ZSWIM5: variants seen among roughly 807,000 people sequenced by gnomAD.
ZSWIM5 encodes zinc finger SWIM domain-containing protein 5.
A neutral mutation model predicts 119.6 loss-of-function variants in ZSWIM5; 55 were observed. The observed-to-expected ratio is 0.46, with a 90% CI of 0.37 to 0.58. The LOEUF (loss-of-function observed/expected upper bound fraction) is 0.58. Among genes scored for constraint, ZSWIM5 ranks in the 20% least tolerant of loss-of-function variants. The probability of loss-of-function intolerance (pLI) is 0.00; values close to 1 mark genes in which losing one functional copy is unlikely to be tolerated. For synonymous variants in ZSWIM5, 537 were observed against 606.9 expected, an observed-to-expected ratio of 0.88 and a Z score of 1.69; for missense variants, 1,193 against 1,512.8, an observed-to-expected ratio of 0.79 and a Z score of 3.51.
At chr1:45,049,346 T>C (rs1251677498) in intron 5 of ZSWIM5, among the ~76,000 whole-genome samples, 1 of 152,100 alleles carries the variant, frequency 6.6e-6, no homozygotes, top group Non-Finnish European at 1.5e-5. Context: ...GAAATGACTA[T>C]GAAGAATAGG....
chr1:45,034,881 A>G (rs78184567), intron 10 of ZSWIM5, among the ~76,000 whole-genome samples: 10,442 of 152,196 alleles, frequency 0.069, 409 homozygotes, highest in East Asian at 0.12. Flanking sequence ...TCCCAGGCTC[A>G]AGCGATCCTC....
intron 1 of ZSWIM5, among the ~76,000 whole-genome samples, chr1:45,090,604 T>TACCTTAC (rs1570085108): frequency 6.6e-6 from 1 of 151,410 alleles, no homozygotes; most frequent in East Asian, 1.9e-4. Flanking sequence ...TCAAAAAAAT[T>TACCTTAC]TGTGACCTGA....
At chr1:45,071,511 A>G (rs1245469344) in intron 2 of ZSWIM5, among the ~76,000 whole-genome samples, 1 of 133,258 alleles carries the variant, frequency 7.5e-6, no homozygotes, top group African/African-American at 2.9e-5. Context: ...GCTGGAGTGC[A>G]GTGGCATGAT....
At chr1:45,195,913 G>A (rs1389666567) in intron 1 of ZSWIM5, among the ~76,000 whole-genome samples, 1 of 147,886 alleles carries the variant, frequency 6.8e-6, no homozygotes, top group East Asian at 2.0e-4. Context: ...TGTCACCTAC[G>A]CTGGAGAGCA....
chr1:45,200,580 A>C lies in ZSWIM5; in HGVS notation c.595+5176T>G, dbSNP rs748369969. ...TTATAAATGGTGTGCATGAAAAAAA[A>C]CCCACAGTAATCTATTCATTCATAT... On this transcript the variant is annotated intron_variant, in intron 1 of 13. Transcript: ENST00000359600. 9.3e-4 allele frequency among the ~76,000 whole-genome samples: 141 copies of C among 152,188 alleles called. 1 individual carries two copies. Among genetic ancestry groups the C allele is most frequent in the Non-Finnish European group, 1.6e-3 (112 of 68,032 alleles).
chr1:45,160,507 C>T (rs1264852330), intron 1 of ZSWIM5, among the ~76,000 whole-genome samples: 1 of 152,050 alleles, frequency 6.6e-6, no homozygotes, highest in African/African-American at 2.4e-5. Flanking sequence ...TAGCTTCTAC[C>T]TTTGAGTGAG....
chr1:45,043,246 TA>T lies in ZSWIM5; in HGVS notation c.1581del (p.Phe527LeufsTer43). ...ACQRESERLL[F>X]NSQGQPLWLE... is the part of the protein sequence containing the mutation. Reference sequence around the variant, plus strand: ...AGCCACAGTGGCTGGCCTTGGGAATTAAAGAGTAGTCTTTCACTTTCCCGCT... The same window carrying T: ...AGCCACAGTGGCTGGCCTTGGGAATTAAGAGTAGTCTTTCACTTTCCCGCT... On this transcript the variant is annotated frameshift_variant, in exon 6 of 14. Transcript: ENST00000359600. LOFTEE classifies it high-confidence loss of function. 2 of 1,613,946 alleles carry T rather than the reference TA, an allele frequency of 1.2e-6. No individual in the cohort carries two copies. Among genetic ancestry groups the T allele is most frequent in the Non-Finnish European group, 1.7e-6 (2 of 1,179,950 alleles).
rs1471537067 is a variant in ZSWIM5, at chr1:45,044,807, A to T, written c.1433-1412T>A. On this transcript the variant is annotated intron_variant, in intron 5 of 13. Coordinates refer to ENST00000359600, the MANE Select transcript of ZSWIM5 (RefSeq NM_020883.2). ...TATATATAAATATATATATATAAAT[A>T]TATATATATATATAAATATATATAT... Among the ~76,000 whole-genome samples, 17 of 11,254 alleles carry T rather than the reference A, an allele frequency of 1.5e-3. 5 individuals carry two copies. The highest frequency in any genetic ancestry group is 8.7e-3 in the African/African-American group (17 of 1,948). The allele number at this position is 11,254 out of a possible 152,430, so 7.4% of individuals were successfully genotyped here. A position where few individuals can be genotyped will look rare whatever the true frequency, so the allele number is the denominator to read the frequency against.
rs55717021 is a variant in ZSWIM5, at chr1:45,038,604, C to CTTTTT, written c.1894+327_1894+331dup. On this transcript the variant is annotated intron_variant, in intron 8 of 13. Transcript: ENST00000359600. ...GGAGAAAAGGGCTGACGAGGGCAGT[C>CTTTTT]TTTTTTTTTTTTTTTTTAATGAAAC... Among the ~76,000 whole-genome samples, 4 of 48,502 alleles carry CTTTTT rather than the reference C, an allele frequency of 8.2e-5. 1 individual carries two copies. Among genetic ancestry groups the CTTTTT allele is most frequent in the Non-Finnish European group, 1.1e-4 (3 of 28,508 alleles). The allele number at this position is 48,502 out of a possible 152,430, so 31.8% of individuals were successfully genotyped here.
At chr1:45,079,827 CT>C (rs1399133633) in intron 2 of ZSWIM5, among the ~76,000 whole-genome samples, 1 of 152,164 alleles carries the variant, frequency 6.6e-6, no homozygotes, top group East Asian at 1.9e-4. Flanking sequence ...TGCTCTTCAG[CT>C]AGCAGGCAAT....
intron 2 of ZSWIM5, among the ~76,000 whole-genome samples, chr1:45,084,979 C>T (rs951592709): frequency 1.3e-5 from 2 of 152,248 alleles, no homozygotes; most frequent in Admixed American, 1.3e-4. Context: ...CCACATTTCC[C>T]CTCCACACTG....
intron 1 of ZSWIM5, among the ~76,000 whole-genome samples, chr1:45,170,008 G>C (rs1208380338): frequency 6.6e-6 from 1 of 151,930 alleles, no homozygotes; most frequent in African/African-American, 2.4e-5. Context: ...TGTGTAAATT[G>C]CTATTTTATT....
intron 1 of ZSWIM5, among the ~76,000 whole-genome samples, chr1:45,104,425 A>C (rs928994743): frequency 3.9e-5 from 6 of 152,206 alleles, no homozygotes; most frequent in African/African-American, 1.4e-4. Context: ...TTTCTTAATT[A>C]TGCAAATAGA....
chr1:45,191,098 C>T (rs945447996), intron 1 of ZSWIM5, among the ~76,000 whole-genome samples: 1 of 151,786 alleles, frequency 6.6e-6, no homozygotes, highest in African/African-American at 2.4e-5. Context: ...AGACGCCCGC[C>T]ACCGCGCCCG....
chr1:45,123,538 C>T (rs1053667944), intron 1 of ZSWIM5, among the ~76,000 whole-genome samples: 1 of 152,074 alleles, frequency 6.6e-6, no homozygotes, highest in Non-Finnish European at 1.5e-5. Flanking sequence ...GACAGAATAA[C>T]AGAAATTACC....
intron 1 of ZSWIM5, among the ~76,000 whole-genome samples, chr1:45,159,829 T>C (rs1645852802): frequency 6.6e-6 from 1 of 152,212 alleles, no homozygotes; most frequent in African/African-American, 2.4e-5. Context: ...CCTCAAGTGA[T>C]CTGCTCACCT....
At chr1:45,091,573 G>A (rs1300312602) in intron 1 of ZSWIM5, among the ~76,000 whole-genome samples, 1 of 151,618 alleles carries the variant, frequency 6.6e-6, no homozygotes, top group African/African-American at 2.4e-5. Flanking sequence ...TGAGGTGGGA[G>A]ATCACTTGAG....
intron 1 of ZSWIM5, among the ~76,000 whole-genome samples, chr1:45,191,933 C>G (rs772179117): frequency 2.0e-5 from 3 of 152,108 alleles, no homozygotes; most frequent in Non-Finnish European, 2.9e-5. Context: ...TTAGTGTATT[C>G]AAAGATTTGT....
intron 5 of ZSWIM5, among the ~76,000 whole-genome samples, chr1:45,047,034 A>G (rs1433704346): frequency 1.3e-5 from 2 of 151,660 alleles, no homozygotes; most frequent in African/African-American, 2.4e-5. Flanking sequence ...AAAAAAAAAA[A>G]AAAAGAAAGA....
Sources: allele counts gnomAD v4.1 joint callset (sites outside exome capture counted in the v4.1 genomes callset), GRCh38; gene constraint gnomAD v4.1.1; transcripts MANE v1.5; gene names NCBI Gene and HGNC (gene_info 2026-07-23, HGNC 2026-07-21).